COL19A1: variants seen among roughly 807,000 people sequenced by gnomAD.
COL19A1 encodes the protein collagen type XIX alpha 1 chain.
In COL19A1, 159 loss-of-function variants were observed where a neutral mutation model predicts 190.2. The ratio of observed to expected loss-of-function variants is 0.84; its 90% CI spans 0.73 to 0.95. The LOEUF is 0.95. Among genes scored for constraint, COL19A1 ranks in the 40% least tolerant of loss-of-function variants. The pLI is 0.00. For synonymous variants in COL19A1, 509 were observed against 458.9 expected, an observed-to-expected ratio of 1.11 and a Z score of -1.39; for missense variants, 1,418 against 1,431.9, an observed-to-expected ratio of 0.99 and a Z score of 0.16.
intron 4 of COL19A1, among the ~76,000 whole-genome samples, chr6:69,926,266 A>C (rs535557064): frequency 2.6e-5 from 4 of 152,282 alleles, no homozygotes; most frequent in Admixed American, 2.6e-4. Context: ...AAGGTATGCA[A>C]AACTATGTAC....
chr6:70,060,923 T>C (rs1780791816), intron 14 of COL19A1, among the ~76,000 whole-genome samples: 1 of 152,056 alleles, frequency 6.6e-6, no homozygotes, highest in Non-Finnish European at 1.5e-5. Flanking sequence ...CACGGTCAAC[T>C]AAAAGGATAA....
intron 4 of COL19A1, among the ~76,000 whole-genome samples, chr6:69,910,170 A>G (rs1770818421): frequency 6.6e-6 from 1 of 152,152 alleles, no homozygotes; most frequent in South Asian, 2.1e-4. Flanking sequence ...CTTGTACTAG[A>G]TCTTTTCACC....
chr6:70,133,552 G>A (rs1020676062), intron 18 of COL19A1, among the ~76,000 whole-genome samples: 1 of 152,188 alleles, frequency 6.6e-6, no homozygotes, highest in Non-Finnish European at 1.5e-5. Context: ...GAGAACTGCT[G>A]CTTTATAGAG....
At chr6:69,896,394 G>A (rs926531732) in intron 2 of COL19A1, among the ~76,000 whole-genome samples, 5 of 151,498 alleles carry the variant, frequency 3.3e-5, no homozygotes, top group East Asian at 1.9e-4. Flanking sequence ...AAAATTAGCC[G>A]GGCGCGGTGG....
intron 1 of COL19A1, among the ~76,000 whole-genome samples, chr6:69,870,547 A>G (rs576875902): frequency 1.1e-4 from 16 of 152,324 alleles, no homozygotes; most frequent in Middle Eastern, 6.8e-3. Context: ...ATTGTTAATA[A>G]TTTGATGGCG....
At chr6:70,090,177 CA>C (rs112111876) in intron 15 of COL19A1, among the ~76,000 whole-genome samples, 43,379 of 141,274 alleles carry the variant, frequency 0.31, 7,753 homozygotes, top group Non-Finnish European at 0.42. Flanking sequence ...ACTCTTATCT[CA>C]AAAAAAAAAA....
At chr6:70,173,116 G>A (rs928484019) in intron 41 of COL19A1, among the ~76,000 whole-genome samples, 1 of 152,210 alleles carries the variant, frequency 6.6e-6, no homozygotes, top group African/African-American at 2.4e-5. Context: ...ACAGCTATGA[G>A]CAAGGCCTAT....
intron 27 of COL19A1, among the ~76,000 whole-genome samples, chr6:70,147,188 T>C (rs1404367469): frequency 6.6e-6 from 1 of 152,186 alleles, no homozygotes; most frequent in East Asian, 1.9e-4. Flanking sequence ...GTTTGTAAGA[T>C]AGTAAGAATG....
chr6:69,990,751 GA>G (rs1776572933), intron 11 of COL19A1, among the ~76,000 whole-genome samples: 1 of 152,022 alleles, frequency 6.6e-6, no homozygotes, highest in African/African-American at 2.4e-5. Flanking sequence ...TGTGTGCCAA[GA>G]GCCACATAAT....
intron 15 of COL19A1, among the ~76,000 whole-genome samples, chr6:70,078,176 A>G (rs772649669): frequency 1.3e-5 from 2 of 152,196 alleles, no homozygotes; most frequent in East Asian, 1.9e-4. Context: ...AAAAACACCT[A>G]TACTGAGTGA....
chr6:69,932,169 C>CA (rs61096765), intron 6 of COL19A1, among the ~76,000 whole-genome samples: 1,944 of 151,190 alleles, frequency 0.013, 45 homozygotes, highest in African/African-American at 0.038. Flanking sequence ...GTCCAAATGC[C>CA]AAAAAAAGAG....
At chr6:69,921,511 T>TATATATTCATATATTCATATATATTC (rs1561998779) in intron 4 of COL19A1, among the ~76,000 whole-genome samples, 57 of 100,350 alleles carry the variant, frequency 5.7e-4, no homozygotes, top group African/African-American at 1.7e-3. Flanking sequence ...TATATATTCA[T>TATATATTCATATATTCATATATATTC]ATGTATATTC....
At position 70,209,407 on chromosome 6, in the gene COL19A1, A is replaced by G. The variant is rs1262662509; in HGVS notation, c.*2133A>G. ...ATGGACTTTTTTGCTGATGGTAATC[A>G]ACTTTTTTTGTTTTTTGGTTTTTGA... is the stretch of plus-strand genomic sequence containing the variant. On this transcript the variant is annotated 3_prime_UTR_variant, in exon 51 of 51. Transcript: ENST00000620364. 3 of 152,130 alleles carry G rather than the reference A, an allele frequency of 2.0e-5. No homozygotes were observed. Among genetic ancestry groups the G allele is most frequent in the Non-Finnish European group, 4.4e-5 (3 of 68,018 alleles). 9.4% of individuals were successfully genotyped at this position (152,130 alleles called of 1,614,324 possible).
At chr6:70,152,278 A>T (rs73746877) in intron 31 of COL19A1, among the ~76,000 whole-genome samples, 2,255 of 152,154 alleles carry the variant, frequency 0.015, 55 homozygotes, top group African/African-American at 0.048. Context: ...TATATATATA[A>T]TTTAGTTTGT....
intron 15 of COL19A1, among the ~76,000 whole-genome samples, chr6:70,069,625 G>A (rs1451907814): frequency 6.6e-6 from 1 of 152,052 alleles, no homozygotes; most frequent in Non-Finnish European, 1.5e-5. Flanking sequence ...TACTATTATG[G>A]CCTAAGATTG....
At chr6:69,899,067 A>G in intron 3 of COL19A1, 45 bp downstream of exon 3, 3 of 1,259,602 alleles carry the variant, frequency 2.4e-6, no homozygotes, top group East Asian at 2.3e-5. Flanking sequence ...ATGTAAAATT[A>G]TCACCAAATG....
At chr6:70,185,165 T>C (rs996649636) in intron 46 of COL19A1, among the ~76,000 whole-genome samples, 1 of 152,196 alleles carries the variant, frequency 6.6e-6, no homozygotes, top group Non-Finnish European at 1.5e-5. Flanking sequence ...TGGGAAGCTT[T>C]TATTATCCTC....
intron 30 of COL19A1, among the ~76,000 whole-genome samples, chr6:70,150,752 G>A (rs1206274937): frequency 6.6e-6 from 1 of 152,098 alleles, no homozygotes; most frequent in East Asian, 1.9e-4. Context: ...AGCTATGTGT[G>A]GAGGCATATT....
chr6:69,892,328 T>TA (rs1450153427), intron 2 of COL19A1, among the ~76,000 whole-genome samples: 1 of 152,232 alleles, frequency 6.6e-6, no homozygotes, highest in African/African-American at 2.4e-5. Flanking sequence ...CAAGCAGGGT[T>TA]AGCCTAAAAT....
Sources: allele counts gnomAD v4.1 joint callset (sites outside exome capture counted in the v4.1 genomes callset), GRCh38; gene constraint gnomAD v4.1.1; transcripts MANE v1.5; gene names NCBI Gene and HGNC (gene_info 2026-07-23, HGNC 2026-07-21).